PRKN: variants seen among roughly 807,000 people sequenced by gnomAD.
The protein encoded by PRKN is E3 ubiquitin-protein ligase parkin.
A neutral mutation model predicts 59.5 loss-of-function variants in PRKN; 56 were observed. The observed-to-expected ratio is 0.94, with a 90% CI of 0.76 to 1.18. PRKN has a LOEUF of 1.18. Ranked by LOEUF, PRKN falls within the 50% of genes most tolerant of loss-of-function variation. PRKN has a pLI of 0.00. For missense variants in PRKN, 657 were observed against 596.4 expected, an observed-to-expected ratio of 1.10 and a Z score of -1.06; for synonymous variants, 250 against 222.1, an observed-to-expected ratio of 1.13 and a Z score of -1.12.
intron 6 of PRKN, among the ~76,000 whole-genome samples, chr6:161,961,842 T>C (rs1171691966): frequency 6.6e-6 from 1 of 152,196 alleles, no homozygotes; most frequent in Non-Finnish European, 1.5e-5. Context: ...CTCAAATGCC[T>C]GCATGAGACT....
intron 4 of PRKN, among the ~76,000 whole-genome samples, chr6:162,082,919 C>T (rs1388520654): frequency 1.3e-5 from 2 of 152,002 alleles, no homozygotes; most frequent in Admixed American, 6.6e-5. Flanking sequence ...AATTGTAACA[C>T]TAAAGATCAC....
chr6:161,711,096 C>T (rs1786733166), intron 7 of PRKN, among the ~76,000 whole-genome samples: 1 of 151,900 alleles, frequency 6.6e-6, no homozygotes, highest in South Asian at 2.1e-4. Context: ...TCTTTTCAGA[C>T]ACTTAAAAAA....
chr6:162,480,490 G>A (rs1792252417), intron 1 of PRKN, among the ~76,000 whole-genome samples: 1 of 148,376 alleles, frequency 6.7e-6, no homozygotes, highest in Admixed American at 6.7e-5. Context: ...AAACTTACAT[G>A]GGAAAAAGAC....
chr6:162,681,695 G>C (rs1486782875), intron 1 of PRKN, among the ~76,000 whole-genome samples: 1 of 152,094 alleles, frequency 6.6e-6, no homozygotes. Context: ...CAATCAATCA[G>C]ATGTTTGCAC....
At chr6:161,590,540 C>T (rs1295342545) in intron 7 of PRKN, among the ~76,000 whole-genome samples, 1 of 152,058 alleles carries the variant, frequency 6.6e-6, no homozygotes, top group African/African-American at 2.4e-5. Flanking sequence ...CATGACCAGT[C>T]TGGCCAACAT....
intron 9 of PRKN, among the ~76,000 whole-genome samples, chr6:161,517,761 A>AAAAAAAAG (rs1466879535): frequency 6.7e-6 from 1 of 149,410 alleles, no homozygotes; most frequent in Non-Finnish European, 1.5e-5. Context: ...AAAAAAAAAA[A>AAAAAAAAG]AAAAGAGTTG....
chr6:162,059,199 A>ATTCGTG (rs1317404699), intron 4 of PRKN, among the ~76,000 whole-genome samples: 10 of 152,196 alleles, frequency 6.6e-5, no homozygotes, highest in Admixed American at 6.5e-4. Context: ...TATCTGACAA[A>ATTCGTG]TTCGTGTTCT....
At chr6:162,277,731 A>G (rs1402655402) in intron 2 of PRKN, among the ~76,000 whole-genome samples, 1 of 152,172 alleles carries the variant, frequency 6.6e-6, no homozygotes, top group Non-Finnish European at 1.5e-5. Flanking sequence ...AACGCAAGAT[A>G]CCACTACACA....
In PRKN at chr6:161,372,947, A is replaced by C. The variant is rs527819646; in HGVS notation, c.1168-12742T>G. Among the ~76,000 whole-genome samples the C allele has an allele frequency of 6.6e-6, 1 of 151,362 alleles. No individual in the cohort carries two copies. Among genetic ancestry groups the C allele is most frequent in the Non-Finnish European group, 1.5e-5 (1 of 67,954 alleles). ...TGGGCTCTCGAGTAGCTGGGACTAC[A>C]GGCACATGCTTCTGTCCTCTGCTGA... On this transcript the variant is annotated intron_variant, in intron 10 of 11. Transcript: ENST00000366898. The surrounding 1 kb of genome is among the most constrained non-coding windows in gnomAD (Gnocchi z 4.2).
In PRKN at chr6:161,440,765, C is replaced by G. The variant is rs911463399; in HGVS notation, c.1084-53888G>C. On this transcript the variant is annotated intron_variant, in intron 9 of 11. Coordinates refer to ENST00000366898, the MANE Select transcript of PRKN (RefSeq NM_004562.3). The surrounding 1 kb of genome is among the most constrained non-coding windows in gnomAD (Gnocchi z 4.1). ...CCTGAAGGTCCTGAGAGCTCCCTGA[C>G]ATCATTCAGGACTGAAGGTAGAAAG... 5.3e-5 allele frequency among the ~76,000 whole-genome samples: 8 copies of G among 152,212 alleles called. No individual in the cohort carries two copies. Among genetic ancestry groups the G allele is most frequent in the African/African-American group, 1.9e-4 (8 of 41,438 alleles).
In PRKN at chr6:161,530,639, C is replaced by T. The variant is rs1285372400; in HGVS notation, c.1083+18215G>A. On this transcript the variant is annotated intron_variant, in intron 9 of 11. Coordinates refer to ENST00000366898, the MANE Select transcript of PRKN (RefSeq NM_004562.3). This position sits in a 1 kb window ranked among gnomAD's most constrained non-coding sequence, Gnocchi z 5.0. ...TCAAGCGCTTCTCCTGCCTAGCCTCCCAAGTAGCTGGGATTACAGGCATTT... is the reference window on the plus strand; with the variant it reads ...TCAAGCGCTTCTCCTGCCTAGCCTCTCAAGTAGCTGGGATTACAGGCATTT... 6.6e-6 allele frequency among the ~76,000 whole-genome samples: 1 copy of T among 152,072 alleles called. No homozygotes were observed. Among genetic ancestry groups the T allele is most frequent in the African/African-American group, 2.4e-5 (1 of 41,404 alleles).
intron 5 of PRKN, among the ~76,000 whole-genome samples, chr6:161,980,001 C>A (rs1353932898): frequency 6.6e-6 from 1 of 151,982 alleles, no homozygotes; most frequent in African/African-American, 2.4e-5. Flanking sequence ...CGATCAGAAG[C>A]GAATTAGCCA....
intron 2 of PRKN, among the ~76,000 whole-genome samples, chr6:162,336,784 A>G (rs966210240): frequency 2.0e-5 from 3 of 152,316 alleles, no homozygotes; most frequent in Middle Eastern, 3.4e-3. Flanking sequence ...CAGGGATACT[A>G]AATTCCTAAC....
intron 1 of PRKN, among the ~76,000 whole-genome samples, chr6:162,608,806 A>G (rs560359302): frequency 5.5e-4 from 84 of 152,250 alleles, no homozygotes; most frequent in African/African-American, 1.9e-3. Flanking sequence ...CAGTAGAAAA[A>G]TCATGCAAAA....
At chr6:161,539,469 C>T (rs935485029) in intron 9 of PRKN, among the ~76,000 whole-genome samples, 4 of 150,082 alleles carry the variant, frequency 2.7e-5, no homozygotes, top group East Asian at 1.9e-4. Flanking sequence ...TCTGTGCCCT[C>T]GGTCTCTGCC....
intron 1 of PRKN, among the ~76,000 whole-genome samples, chr6:162,448,539 T>G (rs1790430799): frequency 6.6e-6 from 1 of 152,164 alleles, no homozygotes; most frequent in Admixed American, 6.5e-5. Context: ...AGTTGGCTTC[T>G]GTTCTCATCA....
intron 7 of PRKN, among the ~76,000 whole-genome samples, chr6:161,731,164 T>G (rs73783365): frequency 0.026 from 4,018 of 152,390 alleles, 180 homozygotes; most frequent in African/African-American, 0.093. Context: ...CACTCTGATG[T>G]GTTGCATTCT....
At chr6:161,733,782 A>AT (rs1562641623) in intron 7 of PRKN, among the ~76,000 whole-genome samples, 70 of 79,878 alleles carry the variant, frequency 8.8e-4, no homozygotes, top group Middle Eastern at 5.6e-3. Flanking sequence ...AAAAAAAAAA[A>AT]AATATATATA....
At chr6:162,200,238 A>G (rs1784668063) in intron 4 of PRKN, among the ~76,000 whole-genome samples, 1 of 152,074 alleles carries the variant, frequency 6.6e-6, no homozygotes, top group Non-Finnish European at 1.5e-5. Flanking sequence ...CTCGGCCTGC[A>G]TGCCCTCTAT....
Sources: allele counts gnomAD v4.1 joint callset (sites outside exome capture counted in the v4.1 genomes callset), GRCh38; gene constraint gnomAD v4.1.1; non-coding constraint Gnocchi (gnomAD v3.1); transcripts MANE v1.5; gene names NCBI Gene and HGNC (gene_info 2026-07-23, HGNC 2026-07-21).